FOCAD: variants seen among roughly 807,000 people sequenced by gnomAD.
FOCAD encodes the protein focadhesin, also known as KIAA1797.
FOCAD carries 198 observed loss-of-function variants against 225.6 expected under a neutral mutation model. The observed-to-expected ratio is 0.88, with a 90% confidence interval of 0.78 to 0.99. FOCAD has a LOEUF of 0.99. FOCAD is among the 50% of genes least tolerant of loss of function. The pLI is 0.00. For synonymous variants in FOCAD, 897 were observed against 755.0 expected, an observed-to-expected ratio of 1.19 and a Z score of -3.08; for missense variants, 2,713 against 2,123.6, an observed-to-expected ratio of 1.28 and a Z score of -5.46.
At chr9:20,973,497 G>A (rs1270376835) in intron 35 of FOCAD, among the ~76,000 whole-genome samples, 1 of 141,400 alleles carries the variant, frequency 7.1e-6, no homozygotes, top group Non-Finnish European at 1.5e-5. Flanking sequence ...TTTCACTTTT[G>A]CTGACTCTGC....
intron 2 of FOCAD, among the ~76,000 whole-genome samples, chr9:20,660,027 A>G (rs188109213): frequency 6.6e-6 from 1 of 152,346 alleles, no homozygotes; most frequent in East Asian, 1.9e-4. Context: ...ATATAGGAAG[A>G]TAATTCAGTT....
chr9:20,801,780 C>G (rs1821865973), intron 11 of FOCAD, among the ~76,000 whole-genome samples: 2 of 152,116 alleles, frequency 1.3e-5, no homozygotes, highest in African/African-American at 4.8e-5. Context: ...AAGGCAGTCA[C>G]ACACAGTCAC....
rs1182570342 is a variant in FOCAD, at chr9:20,800,043, G to T, written c.1455+10435G>T. On this transcript the variant is annotated intron_variant, in intron 11 of 43. Coordinates refer to ENST00000338382, the MANE Select transcript of FOCAD (RefSeq NM_001375567.1). ...TAGGAGGCCTTTTAGGACAGGCCTG[G>T]TGGTGACAAAATCTCTCAGCATTTG... Among the ~76,000 whole-genome samples, 3 of 152,054 alleles carry T rather than the reference G, an allele frequency of 2.0e-5. No homozygotes were observed. The East Asian group carries it at 5.8e-4, about 30-fold the overall frequency.
At chr9:20,739,126 A>C (rs180685296) in intron 4 of FOCAD, among the ~76,000 whole-genome samples, 6 of 152,140 alleles carry the variant, frequency 3.9e-5, no homozygotes, top group African/African-American at 1.4e-4. Flanking sequence ...TACACTCAGT[A>C]ACATCTCACA....
In FOCAD at chr9:20,715,315, G is replaced by A; in HGVS notation, c.-32-7G>A. 1 of 1,408,998 alleles carries A rather than the reference G, an allele frequency of 7.1e-7. No individual in the cohort carries two copies. The highest frequency in any genetic ancestry group is 9.5e-7 in the Non-Finnish European group (1 of 1,051,806). The allele number at this position is 1,408,998 out of a possible 1,614,324, so 87.3% of individuals were successfully genotyped here. A position where few individuals can be genotyped will look rare whatever the true frequency, so the allele number is the denominator to read the frequency against. On this transcript the variant is annotated splice_region_variant and splice_polypyrimidine_tract_variant and intron_variant, in intron 1 of 43. Coordinates refer to ENST00000338382, the MANE Select transcript of FOCAD (RefSeq NM_001375567.1). ...GACTAACAAATATTCTTTTGTTTTGGTTACAGAAGCTGCACACATACATGT... is the reference window on the plus strand; with the variant it reads ...GACTAACAAATATTCTTTTGTTTTGATTACAGAAGCTGCACACATACATGT...
At chr9:20,832,368 C>T (rs1476395511) in intron 15 of FOCAD, among the ~76,000 whole-genome samples, 1 of 151,900 alleles carries the variant, frequency 6.6e-6, no homozygotes, top group Admixed American at 6.6e-5. Flanking sequence ...ACCACTGAAG[C>T]ATTTTAGCTG....
chr9:20,977,480 A>T (rs1394136264), intron 36 of FOCAD, among the ~76,000 whole-genome samples: 2 of 152,224 alleles, frequency 1.3e-5, no homozygotes, highest in South Asian at 2.1e-4. Context: ...AGAGTTACAC[A>T]TGCAAATATA....
chr9:20,832,648 C>G (rs978663612), intron 15 of FOCAD, among the ~76,000 whole-genome samples: 1 of 151,874 alleles, frequency 6.6e-6, no homozygotes, highest in East Asian at 1.9e-4. Flanking sequence ...TATTCATTCT[C>G]TTTTTTCTTT....
intron 11 of FOCAD, among the ~76,000 whole-genome samples, chr9:20,817,414 A>G (rs998147016): frequency 1.3e-5 from 2 of 151,892 alleles, no homozygotes; most frequent in Non-Finnish European, 2.9e-5. Flanking sequence ...CTAGACAACC[A>G]CTAATCTACC....
At chr9:20,679,708 A>G (rs556460748), upstream of FOCAD, among the ~76,000 whole-genome samples, 1 of 152,336 alleles carries the variant, frequency 6.6e-6, no homozygotes, top group Non-Finnish European at 1.5e-5. Context: ...AGTTGAACAG[A>G]AATACTATCT....
chr9:20,751,272 C>T (rs1477643727), intron 5 of FOCAD, among the ~76,000 whole-genome samples: 4 of 148,184 alleles, frequency 2.7e-5, no homozygotes, highest in East Asian at 2.0e-4. Context: ...AACTCGTCAT[C>T]TAGCATTAGG....
At chr9:20,883,001 C>T (rs1448371120) in intron 20 of FOCAD, among the ~76,000 whole-genome samples, 9 of 152,118 alleles carry the variant, frequency 5.9e-5, no homozygotes, top group Non-Finnish European at 1.5e-5. Flanking sequence ...CAGTCCTAAC[C>T]CAGATCAATT....
At chr9:20,819,108 C>T (rs76162079) in intron 11 of FOCAD, among the ~76,000 whole-genome samples, 33 of 152,210 alleles carry the variant, frequency 2.2e-4, no homozygotes, top group Non-Finnish European at 4.4e-4. Context: ...TCAGTTACTT[C>T]TTATTGGAGT....
intron 30 of FOCAD, among the ~76,000 whole-genome samples, 189 bp from the exon 31 acceptor site, chr9:20,948,082 T>A (rs577057536): frequency 1.1e-4 from 16 of 151,782 alleles, no homozygotes; most frequent in African/African-American, 2.7e-4. Context: ...CAGTTTATGA[T>A]GCAAACCAGT....
At position 20,823,111 on chromosome 9, in the gene FOCAD, C is replaced by G. The variant is rs773480823; in HGVS notation, c.1916C>G (p.Ala639Gly). The G allele has an allele frequency of 1.1e-5, 17 of 1,604,478 alleles. No homozygotes were observed. The highest frequency in any genetic ancestry group is 1.3e-5 in the African/African-American group (1 of 74,236). The stretch of plus-strand genomic sequence containing the variant: ...CAGGGTCTTCATGCACTCTGTCAAG[C>G]TGAGGTAGGCATTTTTAAATTGCTT... ...VLQGLHALCQAEVVCIRSTWN... is the reference protein window; with the variant it reads ...VLQGLHALCQGEVVCIRSTWN... The change falls in exon 15 of 44, where the codon GCT becomes GGT. Residue 639 changes from alanine to glycine, a missense_variant. Transcript: ENST00000338382.
chr9:20,855,524 T>C (rs1004227288), intron 15 of FOCAD, among the ~76,000 whole-genome samples: 7 of 151,752 alleles, frequency 4.6e-5, no homozygotes, highest in Admixed American at 3.3e-4. Flanking sequence ...TGTTTTGATA[T>C]AGTCAAACTG....
intron 4 of FOCAD, among the ~76,000 whole-genome samples, chr9:20,728,586 A>T (rs1263678179): frequency 6.6e-6 from 1 of 152,160 alleles, no homozygotes; most frequent in Non-Finnish European, 1.5e-5. Flanking sequence ...TCTTATGCCT[A>T]GTGAAAATTG....
At chr9:20,658,617 A>G (rs1821599936) in intron 1 of FOCAD, 1 of 153,712 alleles carries the variant, frequency 6.5e-6, no homozygotes, top group South Asian at 2.0e-4. Context: ...AGGTGAGGCA[A>G]TGCCTCGCCC....
intron 10 of FOCAD, among the ~76,000 whole-genome samples, chr9:20,783,090 G>A (rs1340189339): frequency 1.3e-5 from 2 of 152,104 alleles, no homozygotes; most frequent in East Asian, 1.9e-4. Context: ...TGGGGGCAGG[G>A]CAAGAGTTGG....
Sources: gnomAD v4.1 joint callset for allele counts (sites outside exome capture counted in the v4.1 genomes callset) on GRCh38, gnomAD v4.1.1 for gene constraint, MANE v1.5 for transcripts, NCBI Gene and HGNC (gene_info 2026-07-23, HGNC 2026-07-21) for gene names.